SLCO5A1: variants seen among roughly 807,000 people sequenced by gnomAD.
SLCO5A1 encodes the protein organic anion transporter polypeptide-related protein 4.
A neutral mutation model predicts 65.1 loss-of-function variants in SLCO5A1; 39 were observed. The observed-to-expected ratio is 0.60, with a 90% CI of 0.46 to 0.78. The LOEUF (loss-of-function observed/expected upper bound fraction) is 0.78. SLCO5A1 is among the 30% of genes least tolerant of loss of function. The pLI, the probability that SLCO5A1 is intolerant of heterozygous loss-of-function variation, is 0.00. For missense variants in SLCO5A1, 1,029 were observed against 1,069.4 expected (o/e 0.96, Z 0.53); for synonymous variants, 438 against 415.7 (o/e 1.05, Z -0.65).
chr8:69,784,998 G>T (rs1818994406), intron 2 of SLCO5A1, among the ~76,000 whole-genome samples: 1 of 140,840 alleles, frequency 7.1e-6, no homozygotes, highest in African/African-American at 2.7e-5. Context: ...AAAAGCGAAA[G>T]AAAGAAAGAA....
intron 2 of SLCO5A1, among the ~76,000 whole-genome samples, chr8:69,816,600 A>G (rs1401424855): frequency 6.6e-6 from 1 of 152,162 alleles, no homozygotes; most frequent in South Asian, 2.1e-4. Context: ...CAAGTATTCC[A>G]ATCTCTTTCC....
At position 69,761,835 on chromosome 8, in the gene SLCO5A1, T is replaced by C. The variant is rs879176147; in HGVS notation, c.948A>G (p.Gly316=). 1 of 1,613,858 alleles carries C rather than the reference T, an allele frequency of 6.2e-7. No homozygotes were observed. The highest frequency in any genetic ancestry group is 1.7e-5 in the Admixed American group (1 of 60,000). ...CAATAAGAAGTCCACCTAATAAATA[T>C]CCCACTGCAGGGCCAAGTGCTCCCA... ...YVMGALGPAV[G]YLLGGLLIGF... The change falls in exon 3 of 10, where the codon GGA becomes GGG. Residue 316 remains glycine, a synonymous_variant. Transcript: ENST00000260126.
At chr8:69,787,371 A>C (rs572555874) in intron 2 of SLCO5A1, among the ~76,000 whole-genome samples, 1 of 152,342 alleles carries the variant, frequency 6.6e-6, no homozygotes, top group East Asian at 1.9e-4. Flanking sequence ...TTAGTTTTGC[A>C]GACAGCCCTA....
intron 2 of SLCO5A1, 54 bp downstream of exon 2, chr8:69,831,713 G>C: frequency 6.6e-7 from 1 of 1,520,386 alleles, no homozygotes; most frequent in Non-Finnish European, 8.9e-7. Flanking sequence ...TTTTTGTAAG[G>C]AAAGTAAGTT....
At chr8:69,688,712 C>T (rs1814107886) in intron 6 of SLCO5A1, among the ~76,000 whole-genome samples, 1 of 152,044 alleles carries the variant, frequency 6.6e-6, no homozygotes. Context: ...GTATATGTGC[C>T]ACATTTTCTT....
At chr8:69,678,014 T>G (rs1285713614) in intron 8 of SLCO5A1, among the ~76,000 whole-genome samples, 3 of 152,220 alleles carry the variant, frequency 2.0e-5, no homozygotes, top group East Asian at 1.9e-4. Context: ...CCAGTTCCTT[T>G]GTCCACTGCA....
chr8:69,834,595 C>G lies in SLCO5A1; in HGVS notation c.-497+259G>C, dbSNP rs568407562. Among the ~76,000 whole-genome samples, 3 of 152,294 alleles carry G rather than the reference C, an allele frequency of 2.0e-5. No individual in the cohort carries two copies. The East Asian group carries it at 5.8e-4, about 30-fold the overall frequency. On this transcript the variant is annotated intron_variant, in intron 1 of 9. Coordinates refer to ENST00000260126, the MANE Select transcript of SLCO5A1 (RefSeq NM_030958.3). Reference sequence around the variant, plus strand: ...GCAAACTCTCGCCGCTCGCGGGGGGCGTCCGAACCCCCTGCTTAGGCGAGC... The same window carrying G: ...GCAAACTCTCGCCGCTCGCGGGGGGGGTCCGAACCCCCTGCTTAGGCGAGC...
chr8:69,704,781 A>T (rs112277633), intron 6 of SLCO5A1: 5,638 of 473,532 alleles, frequency 0.012, 271 homozygotes, highest in African/African-American at 0.096. Context: ...TAAGCATTTC[A>T]TCCTCATCTG....
chr8:69,707,021 G>A (rs9298153), intron 5 of SLCO5A1, among the ~76,000 whole-genome samples: 94,150 of 151,764 alleles, frequency 0.62, 29,454 homozygotes, highest in South Asian at 0.73. Context: ...GGTGGCGTGC[G>A]CCTGTAATCC....
intron 2 of SLCO5A1, among the ~76,000 whole-genome samples, chr8:69,763,412 C>T (rs1377321810): frequency 3.3e-5 from 5 of 149,392 alleles, no homozygotes; most frequent in Admixed American, 6.7e-5. Context: ...GTCAGGAGTT[C>T]GAGACCAGCC....
intron 4 of SLCO5A1, among the ~76,000 whole-genome samples, chr8:69,749,474 C>G (rs1012970551): frequency 6.6e-6 from 1 of 151,920 alleles, no homozygotes; most frequent in Non-Finnish European, 1.5e-5. Context: ...AAAAATTAGC[C>G]AGGTGTGGGG....
chr8:69,707,037 A>G (rs146838643), intron 5 of SLCO5A1, among the ~76,000 whole-genome samples: 2,692 of 152,224 alleles, frequency 0.018, 83 homozygotes, highest in African/African-American at 0.059. Flanking sequence ...AATCCCAGCT[A>G]CTCAGGAGAC....
chr8:69,705,996 T>C (rs936555604), intron 5 of SLCO5A1, among the ~76,000 whole-genome samples: 5 of 152,234 alleles, frequency 3.3e-5, no homozygotes, highest in Admixed American at 1.3e-4. Context: ...ACAAGATATT[T>C]GAAGCATTAT....
intron 6 of SLCO5A1, among the ~76,000 whole-genome samples, chr8:69,690,080 T>G (rs1157115306): frequency 6.6e-6 from 1 of 152,182 alleles, no homozygotes; most frequent in Non-Finnish European, 1.5e-5. Context: ...CTCCCACTTA[T>G]TCTACACCTC....
intron 6 of SLCO5A1, among the ~76,000 whole-genome samples, chr8:69,687,006 A>C (rs1814030137): frequency 6.6e-6 from 1 of 151,796 alleles, no homozygotes; most frequent in Admixed American, 6.6e-5. Context: ...GCCAGTGTCC[A>C]GCATTGTGCC....
Position 69,668,418 on chromosome 8 carries a change from G to A in SLCO5A1, c.*4451C>T, listed in dbSNP as rs1220704126. The A allele has an allele frequency of 6.6e-6, 1 of 152,220 alleles. No individual in the cohort carries two copies. The highest frequency in any genetic ancestry group is 1.5e-5 in the Non-Finnish European group (1 of 68,032). The allele number at this position is 152,220 out of a possible 1,614,324, so 9.4% of individuals were successfully genotyped here. A position where few individuals can be genotyped will look rare whatever the true frequency, so the allele number is the denominator to read the frequency against. On this transcript the variant is annotated 3_prime_UTR_variant, in exon 10 of 10. Transcript: ENST00000260126. ...GTTTAGGCAATTCTGGGATTATACAGTATTTTGGTATCTATCTGCTACTTA... is the reference window on the plus strand; with the variant it reads ...GTTTAGGCAATTCTGGGATTATACAATATTTTGGTATCTATCTGCTACTTA...
At chr8:69,824,976 C>A (rs954955204) in intron 2 of SLCO5A1, among the ~76,000 whole-genome samples, 8 of 151,948 alleles carry the variant, frequency 5.3e-5, no homozygotes, top group African/African-American at 1.9e-4. Context: ...GTTCAATATA[C>A]GCAAATCAAT....
intron 6 of SLCO5A1, among the ~76,000 whole-genome samples, chr8:69,698,675 A>G (rs1814597985): frequency 2.6e-5 from 4 of 152,138 alleles, no homozygotes; most frequent in Non-Finnish European, 5.9e-5. Context: ...GTACCTTCTC[A>G]TGTCCTTTGC....
intron 2 of SLCO5A1, among the ~76,000 whole-genome samples, chr8:69,772,620 A>AAAGGAAAGGGAAGGGAAGGGAAGGG (rs1818375418): frequency 6.7e-6 from 1 of 149,284 alleles, no homozygotes; most frequent in African/African-American, 2.5e-5. Flanking sequence ...AAAGGAAAGG[A>AAAGGAAAGGGAAGGGAAGGGAAGGG]AAGGAAAGGA....
Sources: allele counts gnomAD v4.1 joint callset (sites outside exome capture counted in the v4.1 genomes callset), GRCh38; gene constraint gnomAD v4.1.1; transcripts MANE v1.5; gene names NCBI Gene and HGNC (gene_info 2026-07-23, HGNC 2026-07-21).